PLXNA2: variants seen among roughly 807,000 people sequenced by gnomAD.
The protein encoded by PLXNA2 is plexin-A2.
A neutral mutation model predicts 193.5 loss-of-function variants in PLXNA2; 91 were observed. That is an observed-to-expected ratio of 0.47 (90% CI 0.40 to 0.56). The LOEUF is 0.56. Ranked by LOEUF, PLXNA2 falls within the 20% of genes least tolerant of loss-of-function variation. The pLI, the probability that PLXNA2 is intolerant of heterozygous loss-of-function variation, is 0.00. For synonymous variants in PLXNA2, 997 were observed against 1,027.3 expected (o/e 0.97, Z 0.56); for missense variants, 1,995 against 2,503.2 (o/e 0.80, Z 4.33).
intron 1 of PLXNA2, among the ~76,000 whole-genome samples, chr1:208,225,523 G>C (rs1432177139): frequency 6.6e-6 from 1 of 152,154 alleles, no homozygotes; most frequent in African/African-American, 2.4e-5. Context: ...ATGCTAGCCA[G>C]GCTGGTCTTG....
intron 8 of PLXNA2, 60 bp downstream of exon 8, chr1:208,095,969 G>A (rs1424891769): frequency 7.7e-7 from 1 of 1,300,020 alleles, no homozygotes; most frequent in African/African-American, 1.5e-5. Context: ...AGCATCGAGG[G>A]GAAGAAAGCC....
intron 3 of PLXNA2, among the ~76,000 whole-genome samples, chr1:208,178,425 A>G (rs955298006): frequency 6.6e-6 from 1 of 152,220 alleles, no homozygotes; most frequent in Non-Finnish European, 1.5e-5. Flanking sequence ...GCTGCAGCCC[A>G]GTGTTCCTGA....
intron 22 of PLXNA2, 53 bp from the exon 23 acceptor site, chr1:208,040,111 G>T: frequency 6.9e-7 from 1 of 1,447,494 alleles, no homozygotes; most frequent in Non-Finnish European, 9.7e-7. Context: ...GGTCTCCGTG[G>T]TGGGGCCTGG....
intron 5 of PLXNA2, among the ~76,000 whole-genome samples, chr1:208,099,224 G>A (rs1667013941): frequency 6.6e-6 from 1 of 152,202 alleles, no homozygotes; most frequent in Admixed American, 6.5e-5. Flanking sequence ...AACAGTGGAG[G>A]GTGTTCAGGT....
At chr1:208,233,048 T>C (rs1671739031) in intron 1 of PLXNA2, among the ~76,000 whole-genome samples, 1 of 152,206 alleles carries the variant, frequency 6.6e-6, no homozygotes, top group Admixed American at 6.5e-5. Flanking sequence ...CTGCTTGAAT[T>C]CCCTAAATGT....
chr1:208,228,679 G>A (rs774729546), intron 1 of PLXNA2, among the ~76,000 whole-genome samples: 1 of 152,142 alleles, frequency 6.6e-6, no homozygotes, highest in African/African-American at 2.4e-5. Flanking sequence ...TCCTTTCCCA[G>A]CTGGCTCTTC....
chr1:208,170,723 A>G (rs1669470035), intron 3 of PLXNA2, among the ~76,000 whole-genome samples: 1 of 152,224 alleles, frequency 6.6e-6, no homozygotes, highest in African/African-American at 2.4e-5. Flanking sequence ...TTTACCCTAT[A>G]ATCTACATTG....
chr1:208,109,012 C>T (rs1667373295), intron 4 of PLXNA2, among the ~76,000 whole-genome samples: 1 of 149,114 alleles, frequency 6.7e-6, no homozygotes. Context: ...CTCTTTCTTC[C>T]CTGGAATCTT....
chr1:208,034,767 G>A (rs1323412017), intron 26 of PLXNA2, among the ~76,000 whole-genome samples, 175 bp from the exon 27 acceptor site: 1 of 152,146 alleles, frequency 6.6e-6, no homozygotes, highest in Non-Finnish European at 1.5e-5. Context: ...GGTTAGAGCT[G>A]CATAACCCAA....
chr1:208,172,588 C>T (rs1669529207), intron 3 of PLXNA2, among the ~76,000 whole-genome samples: 2 of 152,140 alleles, frequency 1.3e-5, no homozygotes, highest in Non-Finnish European at 2.9e-5. Context: ...CGCTGGAAAG[C>T]TTGGCTTCTG....
At chr1:208,133,188 CCAGGACAG>C (rs1668210919) in intron 4 of PLXNA2, among the ~76,000 whole-genome samples, 1 of 152,134 alleles carries the variant, frequency 6.6e-6, no homozygotes, top group African/African-American at 2.4e-5. Context: ...AGGGAGGGAA[CCAGGACAG>C]GTCCCTTCCT....
chr1:208,079,357 C>T lies in PLXNA2; in HGVS notation c.2489G>A (p.Arg830His), dbSNP rs778558207. 1.9e-5 allele frequency: 30 copies of T among 1,613,032 alleles called. No homozygotes were observed. Among genetic ancestry groups the T allele is most frequent in the East Asian group, 1.3e-4 (6 of 44,836 alleles). Residue 830 changes from arginine (R) to histidine (H), a missense_variant, in exon 12 of 32, where the codon CGC becomes CAC. Physicochemically the swap from Arg to His is conservative, Grantham distance 29. Coordinates refer to ENST00000367033, the MANE Select transcript of PLXNA2 (RefSeq NM_025179.4). ...KFECGWCSGERRCTLHQHCTS... is the reference protein window; with the variant it reads ...KFECGWCSGEHRCTLHQHCTS... ...ACAGTGCTGGTGGAGGGTGCACCTG[C>T]GCTCGCCGCTGCACCAGCCACACTC...
rs1359227382 is a variant in PLXNA2, at chr1:208,217,713, G to C, written c.210C>G (p.Val70=). 1 of 1,614,086 alleles carries C rather than the reference G, an allele frequency of 6.2e-7. No individual in the cohort carries two copies. Among genetic ancestry groups the C allele is most frequent in the Non-Finnish European group, 8.5e-7 (1 of 1,180,042 alleles). ...GAVYVGAINR[V]YKLTGNLTIQ... is the part of the protein sequence containing the mutation. Reference sequence around the variant, plus strand: ...TGGTCAGGTTGCCTGTCAGCTTATAGACCCGGTTGATGGCCCCCACATAGA... The same window carrying C: ...TGGTCAGGTTGCCTGTCAGCTTATACACCCGGTTGATGGCCCCCACATAGA... Residue 70 remains valine, a synonymous_variant, in exon 2 of 32, where the codon GTC becomes GTG. Coordinates refer to ENST00000367033, the MANE Select transcript of PLXNA2 (RefSeq NM_025179.4). The surrounding 1 kb of genome is among the most constrained non-coding windows in gnomAD (Gnocchi z 4.7).
chr1:208,232,125 G>C (rs1174742774), intron 1 of PLXNA2, among the ~76,000 whole-genome samples: 1 of 152,230 alleles, frequency 6.6e-6, no homozygotes, highest in African/African-American at 2.4e-5. Flanking sequence ...GGGTGGGAAG[G>C]AGGGCTGGGG....
chr1:208,102,351 G>T (rs183759351), intron 5 of PLXNA2, among the ~76,000 whole-genome samples: 1 of 152,332 alleles, frequency 6.6e-6, no homozygotes, highest in Admixed American at 6.5e-5. Flanking sequence ...AACTCCATTG[G>T]GCAACAGAAT....
Position 208,054,428 on chromosome 1 carries a change from G to T in PLXNA2, c.2849C>A (p.Thr950Asn), listed in dbSNP as rs140488835. 8.3e-5 allele frequency: 134 copies of T among 1,611,620 alleles called. No homozygotes were observed. The highest frequency in any genetic ancestry group is 5.0e-4 in the Middle Eastern group (3 of 6,048). The change falls in exon 14 of 32, where the codon ACC becomes AAC. Residue 950 changes from threonine to asparagine, a missense_variant. Thr to Asn is a moderately conservative substitution (Grantham distance 65, BLOSUM62 0). Coordinates refer to ENST00000367033, the MANE Select transcript of PLXNA2 (RefSeq NM_025179.4). ...EFMTKSHQQY[T>N]FVNPSVLSLN... ...CCTGGACCCAGTACTCACCACGAAG[G>T]TGTACTGCTGATGGGACTTCGTCAT...
chr1:208,118,598 T>C (rs1261826669), intron 4 of PLXNA2, among the ~76,000 whole-genome samples: 2 of 152,166 alleles, frequency 1.3e-5, no homozygotes, highest in Non-Finnish European at 2.9e-5. Context: ...TGGAGGTTAG[T>C]GTGGGGACTG....
chr1:208,077,615 G>A (rs925506792), intron 12 of PLXNA2, among the ~76,000 whole-genome samples: 1 of 152,208 alleles, frequency 6.6e-6, no homozygotes, highest in Non-Finnish European at 1.5e-5. Context: ...AACAGTGCAA[G>A]TTCTCAGGCC....
At chr1:208,184,580 T>C (rs1333618609) in intron 3 of PLXNA2, among the ~76,000 whole-genome samples, 2 of 152,150 alleles carry the variant, frequency 1.3e-5, no homozygotes, top group South Asian at 2.1e-4. Flanking sequence ...AAGCAAGCAG[T>C]TATGCTTCAG....
Sources: allele counts gnomAD v4.1 joint callset (sites outside exome capture counted in the v4.1 genomes callset), GRCh38; gene constraint gnomAD v4.1.1; non-coding constraint Gnocchi (gnomAD v3.1); transcripts MANE v1.5; gene names NCBI Gene and HGNC (gene_info 2026-07-23, HGNC 2026-07-21).